DPF3: variants seen among roughly 807,000 people sequenced by gnomAD.
The protein encoded by DPF3 is double PHD fingers 3.
In DPF3, 18 loss-of-function variants were observed where a neutral mutation model predicts 56.8. The ratio of observed to expected loss-of-function variants is 0.32; its 90% CI spans 0.22 to 0.47. DPF3 has a LOEUF of 0.47. DPF3 is among the 20% of genes least tolerant of loss of function. DPF3 has a pLI of 1.00. For missense variants in DPF3, 403 were observed against 488.8 expected (o/e 0.82, Z 1.65); for synonymous variants, 188 against 180.2 (o/e 1.04, Z -0.35).
chr14:72,615,066 A>G lies in DPF3; in HGVS notation c.*4231T>C, dbSNP rs1231412375. On this transcript the variant is annotated 3_prime_UTR_variant, in exon 11 of 11. Transcript: ENST00000556509. ...GTGAGCGTGGCTCTGGCCAGAGCCAACTTCTCCCTCGGGCTGAGACATGGG... is the reference window on the plus strand; with the variant it reads ...GTGAGCGTGGCTCTGGCCAGAGCCAGCTTCTCCCTCGGGCTGAGACATGGG... Among the ~76,000 whole-genome samples the G allele has an allele frequency of 6.6e-6, 1 of 152,088 alleles. No homozygotes were observed.
chr14:72,621,234 A>G (rs1884423371), intron 9 of DPF3, among the ~76,000 whole-genome samples: 2 of 151,730 alleles, frequency 1.3e-5, no homozygotes, highest in East Asian at 3.9e-4. Flanking sequence ...CCCTTTATGG[A>G]CTATAAAGCC....
intron 8 of DPF3, among the ~76,000 whole-genome samples, chr14:72,649,196 A>G (rs932366344): frequency 6.6e-5 from 10 of 152,126 alleles, no homozygotes; most frequent in African/African-American, 2.4e-4. Flanking sequence ...GGGAACCCGA[A>G]GAATAGAAAG....
chr14:72,753,815 C>T lies in DPF3; in HGVS notation c.194-444G>A, dbSNP rs528338519. Among the ~76,000 whole-genome samples, 5 of 152,168 alleles carry T rather than the reference C, an allele frequency of 3.3e-5. No individual in the cohort carries two copies. In the South Asian group the frequency reaches 1.0e-3, roughly 32 times the overall value. ...ATGGACAGCCTGGGTTGAGAAGCAT[C>T]GCAAAGAGACAGAACCAAAAACACT... On this transcript the variant is annotated intron_variant, in intron 2 of 10. Coordinates refer to ENST00000556509, the MANE Select transcript of DPF3 (RefSeq NM_001280542.3).
chr14:72,633,079 T>A (rs1406503653), intron 8 of DPF3, among the ~76,000 whole-genome samples: 1 of 152,172 alleles, frequency 6.6e-6, no homozygotes, highest in Non-Finnish European at 1.5e-5. Flanking sequence ...ATTGTTTGAA[T>A]GTTGGGAATA....
At chr14:72,648,575 A>C (rs1885797610) in intron 8 of DPF3, among the ~76,000 whole-genome samples, 1 of 151,200 alleles carries the variant, frequency 6.6e-6, no homozygotes, top group Non-Finnish European at 1.5e-5. Context: ...AAAAGAAAAA[A>C]AAAAAAAAAA....
At chr14:72,671,199 G>A in intron 8 of DPF3, 3 of 1,614,006 alleles carry the variant, frequency 1.9e-6, no homozygotes, top group Non-Finnish European at 2.5e-6. Context: ...CTCGACAGGA[G>A]CGAGGCTCTT....
intron 1 of DPF3, among the ~76,000 whole-genome samples, chr14:72,886,143 G>A (rs371273260): frequency 2.8e-4 from 42 of 152,260 alleles, no homozygotes; most frequent in African/African-American, 8.2e-4. Context: ...AAGCTGAGGC[G>A]GGTGGATCAT....
At chr14:72,799,307 C>T (rs982463280) in intron 1 of DPF3, among the ~76,000 whole-genome samples, 1 of 152,140 alleles carries the variant, frequency 6.6e-6, no homozygotes, top group African/African-American at 2.4e-5. Flanking sequence ...TGTGTAAAAT[C>T]AACCCCACTC....
At chr14:72,653,114 G>A (rs1009784615) in intron 8 of DPF3, among the ~76,000 whole-genome samples, 1 of 152,214 alleles carries the variant, frequency 6.6e-6, no homozygotes, top group Non-Finnish European at 1.5e-5. Flanking sequence ...ATGCACTAAT[G>A]CGAACATCAG....
chr14:72,695,897 C>T (rs1887881023), intron 6 of DPF3, among the ~76,000 whole-genome samples: 1 of 151,920 alleles, frequency 6.6e-6, no homozygotes, highest in Non-Finnish European at 1.5e-5. Flanking sequence ...TTCTCTCTTC[C>T]TCTCTCTCAT....
At chr14:72,639,993 A>C in intron 8 of DPF3, among the ~76,000 whole-genome samples, 1 of 144,608 alleles carries the variant, frequency 6.9e-6, no homozygotes, top group African/African-American at 2.6e-5. Context: ...AAAGCCACTG[A>C]GAGGAGGTAG....
intron 1 of DPF3, among the ~76,000 whole-genome samples, chr14:72,820,064 A>G (rs1883465438): frequency 6.6e-6 from 1 of 152,220 alleles, no homozygotes; most frequent in Non-Finnish European, 1.5e-5. Context: ...TGGGGATAAT[A>G]ATAATATTCT....
intron 1 of DPF3, among the ~76,000 whole-genome samples, chr14:72,820,650 C>A (rs1599470279): frequency 6.6e-6 from 1 of 152,114 alleles, no homozygotes. Flanking sequence ...CTTCTAGAAA[C>A]CTGTGCTAAG....
intron 5 of DPF3, 118 bp downstream of exon 5, chr14:72,723,515 G>C: frequency 1.1e-6 from 1 of 883,858 alleles, no homozygotes; most frequent in Non-Finnish European, 1.7e-6. Flanking sequence ...TCTCCTTTGA[G>C]CGTTCTCCAT....
In DPF3 at chr14:72,616,790, C is replaced by T. The variant is rs1416353772; in HGVS notation, c.*2507G>A. ...TTCTCTGGGGTTCAAAAAAAAGAGA[C>T]CAATTTAAAGTTTACCAACCCCGTC... On this transcript the variant is annotated 3_prime_UTR_variant, in exon 11 of 11. Coordinates refer to ENST00000556509, the MANE Select transcript of DPF3 (RefSeq NM_001280542.3). Among the ~76,000 whole-genome samples the T allele has an allele frequency of 6.6e-6, 1 of 152,162 alleles. No individual in the cohort carries two copies. The highest frequency in any genetic ancestry group is 1.5e-5 in the Non-Finnish European group (1 of 68,028).
rs61587216 is a variant in DPF3 at position 72,891,313 on chromosome 14, CT to C, written c.32+2743del. Among the ~76,000 whole-genome samples the C allele has an allele frequency of 4.7e-3, 675 of 144,096 alleles. 3 individuals carry two copies. Among genetic ancestry groups the C allele is most frequent in the African/African-American group, 0.017 (646 of 39,006 alleles). The allele number at this position is 144,096 out of a possible 152,430, so 94.5% of individuals were successfully genotyped here. A position where few individuals can be genotyped will look rare whatever the true frequency, so the allele number is the denominator to read the frequency against. On this transcript the variant is annotated intron_variant, in intron 1 of 10. Transcript: ENST00000556509. ...CTGTAGGAGACGTCCGTGGTGTTGG[CT>C]TTTTTTTTTTTGGAGGGAAGAGAGA...
At chr14:72,663,722 T>C (rs1886324662) in intron 8 of DPF3, among the ~76,000 whole-genome samples, 1 of 152,108 alleles carries the variant, frequency 6.6e-6, no homozygotes. Flanking sequence ...CTAGATCACA[T>C]TAAGCTGAGC....
In DPF3 at chr14:72,687,387, TAA is replaced by T. The variant is rs575329634; in HGVS notation, c.742+5687_742+5688del. Reference sequence around the variant, plus strand: ...TGTTATATTTACTTATGCTATTAAATAAAAGAGATACAACATATAACAATAAG... The same window carrying T: ...TGTTATATTTACTTATGCTATTAAATAAGAGATACAACATATAACAATAAG... On this transcript the variant is annotated intron_variant, in intron 7 of 10. Transcript: ENST00000556509. Among the ~76,000 whole-genome samples the T allele has an allele frequency of 2.0e-3, 303 of 152,346 alleles. 1 individual carries two copies. The highest frequency in any genetic ancestry group is 7.0e-3 in the African/African-American group (291 of 41,580).
intron 1 of DPF3, among the ~76,000 whole-genome samples, chr14:72,877,967 T>C (rs1886180813): frequency 1.3e-5 from 2 of 152,170 alleles, no homozygotes; most frequent in Admixed American, 1.3e-4. Context: ...TGAACTGGGA[T>C]TGAGGGAGAC....
Sources: allele counts gnomAD v4.1 joint callset (sites outside exome capture counted in the v4.1 genomes callset), GRCh38; gene constraint gnomAD v4.1.1; transcripts MANE v1.5; gene names NCBI Gene and HGNC (gene_info 2026-07-23, HGNC 2026-07-21).